MGAT5B: variants seen among roughly 807,000 people sequenced by gnomAD.
The protein encoded by MGAT5B is N-acetylglucosaminyl-transferase Vb.
In MGAT5B, 54 loss-of-function variants were observed where a neutral mutation model predicts 95.1. The ratio of observed to expected loss-of-function variants is 0.57; its 90% CI spans 0.46 to 0.71. The LOEUF (loss-of-function observed/expected upper bound fraction) is 0.71. Among genes scored for constraint, MGAT5B ranks in the 30% least tolerant of loss-of-function variants. MGAT5B has a pLI of 0.00. For missense variants in MGAT5B, 935 were observed against 1,088.6 expected (o/e 0.86, Z 1.99); for synonymous variants, 464 against 451.0 (o/e 1.03, Z -0.36).
chr17:76,868,921 G>A lies in MGAT5B; in HGVS notation c.-109G>A. Reference sequence around the variant, plus strand: ...GGCCGCGCGCTCCCAGCTTCGCTCGGACGCGGCTTCGGCCCGCAGAGGGTT... The same window carrying A: ...GGCCGCGCGCTCCCAGCTTCGCTCGAACGCGGCTTCGGCCCGCAGAGGGTT... On this transcript the variant is annotated 5_prime_UTR_variant, in exon 1 of 18. Transcript: ENST00000569840. The surrounding 1 kb of genome is among the most constrained non-coding windows in gnomAD (Gnocchi z 6.3). The A allele has an allele frequency of 1.9e-6, 2 of 1,053,390 alleles. No homozygotes were observed. The highest frequency in any genetic ancestry group is 2.8e-6 in the Non-Finnish European group (2 of 723,264). 65.3% of individuals were successfully genotyped at this position (1,053,390 alleles called of 1,614,324 possible).
At chr17:76,932,079 TCCTCCTCC>T (rs1969501978) in intron 10 of MGAT5B, among the ~76,000 whole-genome samples, 1 of 82,268 alleles carries the variant, frequency 1.2e-5, no homozygotes, top group Non-Finnish European at 2.3e-5. Flanking sequence ...CTCCTCCTCC[TCCTCCTCC>T]CCCCCCCCTT....
Position 76,882,236 on chromosome 17 carries a change from C to G in MGAT5B, c.267C>G (p.Ala89=). The G allele has an allele frequency of 6.2e-7, 1 of 1,613,710 alleles. No homozygotes were observed. Among genetic ancestry groups the G allele is most frequent in the Non-Finnish European group, 8.5e-7 (1 of 1,179,954 alleles). The change falls in exon 3 of 18, where the codon GCC becomes GCG. Residue 89 remains alanine, a synonymous_variant. Coordinates refer to ENST00000569840, the MANE Select transcript of MGAT5B (RefSeq NM_001199172.2). ...TGGTGAAGCGCATGGACGCACTGGC[C>G]AGGCTGGAGAACAGCAGTGAGCTGC... The part of the protein sequence containing the change: ...ELMVKRMDAL[A]RLENSSELHR...
Position 76,880,981 on chromosome 17 carries a change from C to T in MGAT5B, c.182-1170C>T, listed in dbSNP as rs138021888. 4.6e-3 allele frequency among the ~76,000 whole-genome samples: 706 copies of T among 152,258 alleles called. 6 individuals are homozygous for T. The highest frequency in any genetic ancestry group is 0.016 in the African/African-American group (660 of 41,542). On this transcript the variant is annotated intron_variant, in intron 2 of 17. Coordinates refer to ENST00000569840, the MANE Select transcript of MGAT5B (RefSeq NM_001199172.2). ...CCCTGGACTGGCAGCCTGGGAGCAT[C>T]GAAGGTTCATGTTCCCAGGTGACTT...
At chr17:76,897,703 TTC>T (rs1216645278) in intron 3 of MGAT5B, among the ~76,000 whole-genome samples, 19 of 112,968 alleles carry the variant, frequency 1.7e-4, no homozygotes, top group East Asian at 1.0e-3. Flanking sequence ...CTTTCTTTCT[TTC>T]TTTCTTTCTT....
rs1219058571 is a variant in MGAT5B at position 76,916,117 on chromosome 17, C to T, written c.1026-8849C>T. On this transcript the variant is annotated intron_variant, in intron 8 of 17. Coordinates refer to ENST00000569840, the MANE Select transcript of MGAT5B (RefSeq NM_001199172.2). The surrounding 1 kb of genome is among the most constrained non-coding windows in gnomAD (Gnocchi z 5.3). ...CTGGCCCCTGCCCTTCATCCTTCCT[C>T]GGGATCCAGGAGAGACCCTTCCTTG... Among the ~76,000 whole-genome samples, 3 of 150,532 alleles carry T rather than the reference C, an allele frequency of 2.0e-5. No homozygotes were observed. The highest frequency in any genetic ancestry group is 1.9e-4 in the East Asian group (1 of 5,186).
At chr17:76,898,037 C>T (rs946407578) in intron 3 of MGAT5B, among the ~76,000 whole-genome samples, 3 of 146,644 alleles carry the variant, frequency 2.0e-5, no homozygotes, top group African/African-American at 7.8e-5. Flanking sequence ...GCCTGGGCAA[C>T]GAGAGTGAAA....
chr17:76,946,547 A>C, intron 16 of MGAT5B, 97 bp downstream of exon 16: 1 of 1,023,914 alleles, frequency 9.8e-7, no homozygotes, highest in Non-Finnish European at 1.4e-6. Flanking sequence ...CACCCGTGAA[A>C]CCATCCAACT....
Position 76,869,814 on chromosome 17 carries a change from T to G in MGAT5B, c.68+717T>G, listed in dbSNP as rs772088315. On this transcript the variant is annotated intron_variant, in intron 1 of 17. Transcript: ENST00000569840. This position sits in a 1 kb window ranked among gnomAD's most constrained non-coding sequence, Gnocchi z 7.0. ...CGACACGCTTCGGGCGGCCAACACC[T>G]GGGGGCCCAGGCCAGGCAGGGCTGG... Among the ~76,000 whole-genome samples, 1 of 151,974 alleles carries G rather than the reference T, an allele frequency of 6.6e-6. No homozygotes were observed. The highest frequency in any genetic ancestry group is 2.4e-5 in the African/African-American group (1 of 41,396).
At chr17:76,871,716 G>A (rs1273869917) in intron 1 of MGAT5B, among the ~76,000 whole-genome samples, 1 of 152,222 alleles carries the variant, frequency 6.6e-6, no homozygotes, top group Non-Finnish European at 1.5e-5. Flanking sequence ...CTGGCATGAC[G>A]TGGGGCTCTC....
chr17:76,925,102 G>C lies in MGAT5B; in HGVS notation c.1157+5G>C. ...ACTCTCCTTCAAGAAGTACCGGTGA[G>C]AGGGCGGCCAGAGGGTGGGCACGTG... is the stretch of plus-strand genomic sequence containing the variant. On this transcript the variant is annotated splice_donor_5th_base_variant and intron_variant, in intron 9 of 17. Transcript: ENST00000569840. 16 of 1,610,776 alleles carry C rather than the reference G, an allele frequency of 9.9e-6. No homozygotes were observed. Among genetic ancestry groups the C allele is most frequent in the Non-Finnish European group, 1.4e-5 (16 of 1,179,198 alleles).
At chr17:76,887,240 T>C (rs1192413622) in intron 3 of MGAT5B, among the ~76,000 whole-genome samples, 28 of 152,074 alleles carry the variant, frequency 1.8e-4, no homozygotes, top group Admixed American at 1.8e-3. Flanking sequence ...TCTCAGGCTG[T>C]ATCAGTGCCA....
Position 76,902,850 on chromosome 17 carries a change from G to A in MGAT5B, c.445+180G>A, listed in dbSNP as rs1010201621. 2.5e-4 allele frequency among the ~76,000 whole-genome samples: 36 copies of A among 144,910 alleles called. No homozygotes were observed. In the East Asian group the frequency reaches 4.2e-3, roughly 17 times the overall value. Reference sequence around the variant, plus strand: ...AGGACAACTGGGGGTTCACTCCCTCGACCCGGCAGGAGGGCGCTGAGGACA... The same window carrying A: ...AGGACAACTGGGGGTTCACTCCCTCAACCCGGCAGGAGGGCGCTGAGGACA... On this transcript the variant is annotated intron_variant, in intron 4 of 17. Transcript: ENST00000569840.
chr17:76,921,311 C>T (rs191750595), intron 8 of MGAT5B, among the ~76,000 whole-genome samples: 21 of 152,308 alleles, frequency 1.4e-4, no homozygotes, highest in Admixed American at 8.5e-4. Context: ...CTTAGTCGCA[C>T]ACTGGTGACA....
chr17:76,886,105 C>T (rs1408397193), intron 3 of MGAT5B, among the ~76,000 whole-genome samples: 4 of 152,154 alleles, frequency 2.6e-5, no homozygotes, highest in Non-Finnish European at 4.4e-5. Context: ...CAAATGGCAT[C>T]GTATTATGTA....
At chr17:76,871,455 C>T (rs2145107469) in intron 1 of MGAT5B, among the ~76,000 whole-genome samples, 1 of 152,338 alleles carries the variant, frequency 6.6e-6, no homozygotes, top group East Asian at 1.9e-4. Flanking sequence ...AAGCCCCTCT[C>T]TGCTTTGGGG....
At chr17:76,888,336 A>C (rs1967738215) in intron 3 of MGAT5B, among the ~76,000 whole-genome samples, 1 of 152,020 alleles carries the variant, frequency 6.6e-6, no homozygotes, top group South Asian at 2.1e-4. Flanking sequence ...TGAAAGAGAC[A>C]GAGGCGGACG....
At chr17:76,913,724 T>C (rs2145211821) in intron 8 of MGAT5B, 1 of 507,192 alleles carries the variant, frequency 2.0e-6, no homozygotes, top group East Asian at 5.6e-5. Flanking sequence ...CATGGGTGCC[T>C]GTGAGAAGAT....
At chr17:76,937,533 G>A (rs1969716944) in intron 12 of MGAT5B, among the ~76,000 whole-genome samples, 1 of 151,830 alleles carries the variant, frequency 6.6e-6, no homozygotes, top group Non-Finnish European at 1.5e-5. Flanking sequence ...ATGCATGGAT[G>A]GTGGGTGCAT....
chr17:76,946,650 C>T (rs1392043515), intron 16 of MGAT5B, among the ~76,000 whole-genome samples, 200 bp downstream of exon 16: 1 of 152,266 alleles, frequency 6.6e-6, no homozygotes, highest in African/African-American at 2.4e-5. Flanking sequence ...GAAAGCAGCA[C>T]ACTCCGGGCA....
Sources: allele counts gnomAD v4.1 joint callset (sites outside exome capture counted in the v4.1 genomes callset), GRCh38; gene constraint gnomAD v4.1.1; non-coding constraint Gnocchi (gnomAD v3.1); transcripts MANE v1.5; gene names NCBI Gene and HGNC (gene_info 2026-07-23, HGNC 2026-07-21).